Variants in ASH1L observed in about 807,000 individuals in gnomAD.
The protein encoded by ASH1L is histone-lysine N-methyltransferase ASH1L.
A neutral mutation model predicts 269.0 loss-of-function variants in ASH1L; 23 were observed. The observed-to-expected ratio is 0.09, with a 90% CI of 0.06 to 0.12. The LOEUF is 0.12. ASH1L is among the 10% of genes least tolerant of loss of function. The pLI, the probability that ASH1L is intolerant of heterozygous loss-of-function variation, is 1.00. For synonymous variants in ASH1L, 1,187 were observed against 1,253.5 expected (o/e 0.95, Z 1.12); for missense variants, 2,912 against 3,567.8 (o/e 0.82, Z 4.68).
intron 2 of ASH1L, among the ~76,000 whole-genome samples, chr1:155,485,049 A>T (rs1485993731): frequency 6.6e-6 from 1 of 151,676 alleles, no homozygotes; most frequent in African/African-American, 2.4e-5. Context: ...ACCTGAGGTC[A>T]GGAGTTTGAG....
At chr1:155,493,217 C>A (rs1286981721) in intron 2 of ASH1L, among the ~76,000 whole-genome samples, 1 of 152,164 alleles carries the variant, frequency 6.6e-6, no homozygotes, top group African/African-American at 2.4e-5. Flanking sequence ...TTTCATCGGA[C>A]TGTTTTTCCA....
intron 25 of ASH1L, 97 bp downstream of exon 25, chr1:155,341,839 A>T: frequency 7.7e-7 from 1 of 1,293,842 alleles, no homozygotes. Context: ...AATTTGGATG[A>T]AGAAGCAGAG....
intron 1 of ASH1L, among the ~76,000 whole-genome samples, chr1:155,532,350 A>T (rs780788912): frequency 1.3e-5 from 2 of 152,200 alleles, no homozygotes; most frequent in Non-Finnish European, 2.9e-5. Flanking sequence ...GGACATATAC[A>T]TTGTATAAAA....
At chr1:155,514,021 T>C (rs936968554) in intron 2 of ASH1L, among the ~76,000 whole-genome samples, 2 of 152,194 alleles carry the variant, frequency 1.3e-5, no homozygotes, top group East Asian at 1.9e-4. Flanking sequence ...GAGGACATTA[T>C]GCTAAGGGAA....
intron 5 of ASH1L, among the ~76,000 whole-genome samples, chr1:155,428,278 A>C (rs1661317022): frequency 6.6e-6 from 1 of 152,006 alleles, no homozygotes; most frequent in African/African-American, 2.4e-5. Flanking sequence ...GTCTCTACTA[A>C]AAGTACAAAA....
At chr1:155,393,841 C>T (rs576331827) in intron 7 of ASH1L, among the ~76,000 whole-genome samples, 27 of 152,152 alleles carry the variant, frequency 1.8e-4, no homozygotes, top group African/African-American at 5.5e-4. Flanking sequence ...TGTGAGCCAC[C>T]GCACCCAGCC....
At chr1:155,454,274 T>C (rs11264375) in intron 4 of ASH1L, among the ~76,000 whole-genome samples, 48,205 of 152,098 alleles carry the variant, frequency 0.32, 8,150 homozygotes, top group East Asian at 0.72. Flanking sequence ...CAAGGTTACA[T>C]GATATTGCTA....
chr1:155,525,968 AGTT>A (rs1158242586), intron 1 of ASH1L, among the ~76,000 whole-genome samples: 1 of 152,188 alleles, frequency 6.6e-6, no homozygotes, highest in Non-Finnish European at 1.5e-5. Flanking sequence ...ATATATAAAT[AGTT>A]ATTAAACTGT....
chr1:155,531,098 G>A (rs1016895510), intron 1 of ASH1L, among the ~76,000 whole-genome samples: 3 of 150,882 alleles, frequency 2.0e-5, no homozygotes, highest in African/African-American at 7.3e-5. Flanking sequence ...TTCAACACTG[G>A]AGTGAGCTAG....
In ASH1L at chr1:155,479,677, C is replaced by G. The variant is rs751304371; in HGVS notation, c.3193G>C (p.Gly1065Arg). Residue 1065 changes from glycine to arginine, a missense_variant, in exon 3 of 28, where the codon GGT (glycine) becomes CGT (arginine). Around this residue, in one of 13 missense-constraint regions of ASH1L, gnomAD observed 157 missense variants for 154.6 expected, o/e 1.02. Transcript: ENST00000392403. The part of the protein sequence containing the change: ...PKTVLNGILS[G>R]SPTSLAVLEQ... Reference sequence around the variant, plus strand: ...AGAACAGCAAGGCTAGTAGGACTACCAGAAAGAATACCATTTAAGACAGTT... The same window carrying G: ...AGAACAGCAAGGCTAGTAGGACTACGAGAAAGAATACCATTTAAGACAGTT... The G allele has an allele frequency of 1.2e-6, 2 of 1,614,198 alleles. No homozygotes were observed. The highest frequency in any genetic ancestry group is 1.7e-5 in the Admixed American group (1 of 60,026).
In ASH1L at chr1:155,377,297, A is replaced by G. The variant is rs923370517; in HGVS notation, c.6332+984T>C. Among the ~76,000 whole-genome samples the G allele has an allele frequency of 5.9e-5, 9 of 152,306 alleles. 1 individual carries two copies. The highest frequency in any genetic ancestry group is 2.2e-4 in the African/African-American group (9 of 41,570). ...CCCATATGAAGAGCATATCCCCTAT[A>G]TGCCGATGGTTTATCAACATACTTT... On this transcript the variant is annotated intron_variant, in intron 10 of 27. Transcript: ENST00000392403.
intron 13 of ASH1L, 24 bp from the exon 14 acceptor site, chr1:155,357,773 T>G: frequency 6.3e-7 from 1 of 1,586,942 alleles, no homozygotes; most frequent in East Asian, 2.3e-5. Flanking sequence ...GAATAATTTT[T>G]TTATTTTTAT....
At chr1:155,342,781 G>A (rs1042919524) in intron 24 of ASH1L, among the ~76,000 whole-genome samples, 4 of 152,076 alleles carry the variant, frequency 2.6e-5, no homozygotes, top group Non-Finnish European at 5.9e-5. Context: ...ATAAAATGTG[G>A]TAGAGCTGGA....
Position 155,465,582 on chromosome 1 carries a change from G to A in ASH1L, c.4985-5684C>T, listed in dbSNP as rs188956172. On this transcript the variant is annotated intron_variant, in intron 3 of 27. Coordinates refer to ENST00000392403, the MANE Select transcript of ASH1L (RefSeq NM_018489.3). The stretch of plus-strand genomic sequence containing the variant: ...CAGTAGTCAGTTCTAAGATATTATC[G>A]ATTTTAAAATAATTTACTTTAAAAG... Among the ~76,000 whole-genome samples, 69 of 152,164 alleles carry A rather than the reference G, an allele frequency of 4.5e-4. No individual in the cohort carries two copies. The East Asian group carries it at 0.012, about 27-fold the overall frequency.
rs1558050738 is a variant in ASH1L, at chr1:155,383,593, T to C, written c.6104-3477A>G. Among the ~76,000 whole-genome samples, 4 of 152,336 alleles carry C rather than the reference T, an allele frequency of 2.6e-5. No homozygotes were observed. In the East Asian group the frequency reaches 5.8e-4, roughly 22 times the overall value. ...ATATTCTGTTTGCATAATTATAAGA[T>C]TGCCTAACAATGCATTTCTCAGAAT... On this transcript the variant is annotated intron_variant, in intron 7 of 27. Coordinates refer to ENST00000392403, the MANE Select transcript of ASH1L (RefSeq NM_018489.3).
chr1:155,364,328 A>AT (rs1477769821), intron 12 of ASH1L, among the ~76,000 whole-genome samples: 1 of 152,096 alleles, frequency 6.6e-6, no homozygotes, highest in East Asian at 1.9e-4. Flanking sequence ...ACAAACACTA[A>AT]TTTCCGCTGG....
At chr1:155,484,348 G>A (rs981195227) in intron 2 of ASH1L, among the ~76,000 whole-genome samples, 12 of 150,894 alleles carry the variant, frequency 8.0e-5, no homozygotes, top group Non-Finnish European at 7.4e-5. Flanking sequence ...AATTAGCTGG[G>A]GCTGGTGGCA....
chr1:155,411,589 AT>A (rs1464595468), intron 6 of ASH1L, among the ~76,000 whole-genome samples: 4,430 of 35,976 alleles, frequency 0.12, 409 homozygotes, highest in Non-Finnish European at 0.22. Flanking sequence ...ATAAATAAAT[AT>A]ATATATATAT....
At chr1:155,507,551 A>T (rs1382840809) in intron 2 of ASH1L, among the ~76,000 whole-genome samples, 1 of 152,008 alleles carries the variant, frequency 6.6e-6, no homozygotes, top group East Asian at 1.9e-4. Context: ...CTAATACGTA[A>T]TCTGCTCATC....
Sources: gnomAD v4.1 joint callset for allele counts (sites outside exome capture counted in the v4.1 genomes callset) on GRCh38, gnomAD v4.1.1 for gene constraint, gnomAD v4.1.1 regional missense constraint, MANE v1.5 for transcripts, NCBI Gene and HGNC (gene_info 2026-07-23, HGNC 2026-07-21) for gene names.